ZNF83: variants seen among roughly 807,000 people sequenced by gnomAD.
ZNF83 encodes zinc finger protein 83.
For missense variants in ZNF83, 552 were observed against 629.9 expected (o/e 0.88, Z 1.32); for synonymous variants, 209 against 213.0 (o/e 0.98, Z 0.17).
chr19:52,652,867 A>G (rs1461543905), intron 3 of ZNF83: 2 of 1,009,682 alleles, frequency 2.0e-6, no homozygotes, highest in Non-Finnish European at 1.6e-6. Context: ...CATATGACTG[A>G]AGGTCTTGCC....
At chr19:52,628,966 A>G (rs1048386083) in intron 2 of ZNF83, among the ~76,000 whole-genome samples, 1 of 151,032 alleles carries the variant, frequency 6.6e-6, no homozygotes, top group Non-Finnish European at 1.5e-5. Context: ...GGAGGTAAGA[A>G]CCCCCAAACC....
At chr19:52,636,327 A>G (rs890100463) in intron 1 of ZNF83, 2 of 149,042 alleles carry the variant, frequency 1.3e-5, no homozygotes, top group Non-Finnish European at 1.5e-5. Flanking sequence ...TTAGTTAATT[A>G]ATTAAGTTAA....
rs758226231 is a variant in ZNF83, at chr19:52,613,399, A to G, written c.1166T>C (p.Val389Ala). Reference sequence around the variant, plus strand: ...TCCAGTATGGATTCTGTGATGTTGTACAAGATGTGAATTTTGACTGAATGC... The same window carrying G: ...TCCAGTATGGATTCTGTGATGTTGTGCAAGATGTGAATTTTGACTGAATGC... Residue 389 changes from valine to alanine, a missense_variant, in exon 3 of 3, where the codon GTA (valine) becomes GCA (alanine). Physicochemically the swap from Val to Ala is moderately conservative, Grantham distance 64. Coordinates refer to ENST00000301096, the Ensembl canonical transcript of ZNF83. 9 of 1,613,490 alleles carry G rather than the reference A, an allele frequency of 5.6e-6. No individual in the cohort carries two copies. In the South Asian group the frequency reaches 6.6e-5, roughly 12 times the overall value.
At chr19:52,612,928 C>T (rs1173820766) in exon 3 of ZNF83, 3 of 1,167,220 alleles carry the variant, frequency 2.6e-6, no homozygotes, top group African/African-American at 1.6e-5. Context: ...GGCTCTGCTA[C>T]ATTCATTATA....
chr19:52,653,179 C>T, intron 3 of ZNF83: 5 of 1,501,014 alleles, frequency 3.3e-6, no homozygotes, highest in South Asian at 2.2e-5. Flanking sequence ...TCTACGATGG[C>T]CCACAAGGGA....
chr19:52,628,921 A>C (rs543833961), intron 2 of ZNF83, among the ~76,000 whole-genome samples: 7 of 150,578 alleles, frequency 4.6e-5, no homozygotes, highest in Non-Finnish European at 7.4e-5. Context: ...CCCTGACCTC[A>C]TATCTCTGTG....
chr19:52,629,906 C>A (rs1307146852), intron 2 of ZNF83, among the ~76,000 whole-genome samples: 44 of 149,042 alleles, frequency 3.0e-4, no homozygotes, highest in South Asian at 8.6e-4. Context: ...TCAAGGTGTA[C>A]AATAATAGAA....
intron 3 of ZNF83, among the ~76,000 whole-genome samples, chr19:52,643,423 C>T (rs2061333612): frequency 6.6e-6 from 1 of 151,108 alleles, no homozygotes; most frequent in South Asian, 2.1e-4. Flanking sequence ...GAGCAACTGT[C>T]GGGCATGGTG....
intron 2 of ZNF83, among the ~76,000 whole-genome samples, chr19:52,625,070 C>A (rs565515837): frequency 6.6e-6 from 1 of 151,858 alleles, no homozygotes; most frequent in Admixed American, 6.6e-5. Flanking sequence ...ATCCTGATCA[C>A]ATTTGGTTTA....
chr19:52,625,796 T>C (rs1053076181), intron 2 of ZNF83, among the ~76,000 whole-genome samples: 1 of 152,114 alleles, frequency 6.6e-6, no homozygotes, highest in Non-Finnish European at 1.5e-5. Flanking sequence ...ACTCAATGCT[T>C]TCTCATACAC....
At chr19:52,647,444 T>C (rs2061386439) in intron 3 of ZNF83, among the ~76,000 whole-genome samples, 1 of 151,974 alleles carries the variant, frequency 6.6e-6, no homozygotes, top group Non-Finnish European at 1.5e-5. Context: ...TCATGCCCTG[T>C]TAATTTTTGT....
chr19:52,677,123 TTAAAAAA>T (rs1326275272), intron 1 of ZNF83, among the ~76,000 whole-genome samples: 1 of 34,244 alleles, frequency 2.9e-5, no homozygotes, highest in Non-Finnish European at 4.9e-5. Context: ...GAATGATCAA[TTAAAAAA>T]AAAAAGAAAA....
At chr19:52,616,414 C>T (rs2060305992) in intron 2 of ZNF83, among the ~76,000 whole-genome samples, 2 of 152,144 alleles carry the variant, frequency 1.3e-5, no homozygotes, top group Non-Finnish European at 2.9e-5. Flanking sequence ...ACTATAAAGG[C>T]ACATGCACAT....
chr19:52,655,776 G>C (rs2061496410), intron 2 of ZNF83: 1 of 636,548 alleles, frequency 1.6e-6, no homozygotes, highest in African/African-American at 1.8e-5. Flanking sequence ...GTATTGATTT[G>C]ATCCAAGACG....
At chr19:52,632,234 A>G (rs2060996559) in intron 2 of ZNF83, among the ~76,000 whole-genome samples, 3 of 152,170 alleles carry the variant, frequency 2.0e-5, no homozygotes, top group Admixed American at 2.0e-4. Flanking sequence ...GTATTCAGTG[A>G]ACCCTTATGG....
intron 1 of ZNF83, among the ~76,000 whole-genome samples, chr19:52,685,897 CAAAAAAAAA>C (rs3055370): frequency 1.4e-4 from 19 of 132,546 alleles, no homozygotes; most frequent in East Asian, 9.7e-4. Context: ...GTAACTGTCA[CAAAAAAAAA>C]AAAAAAAAAA....
upstream of ZNF83, among the ~76,000 whole-genome samples, chr19:52,639,876 G>A (rs1189071811): frequency 6.6e-6 from 1 of 152,148 alleles, no homozygotes; most frequent in Non-Finnish European, 1.5e-5. Flanking sequence ...AATGTGATGG[G>A]AAATTGAGGC....
At chr19:52,628,475 A>G (rs1292574079) in intron 2 of ZNF83, among the ~76,000 whole-genome samples, 1 of 152,114 alleles carries the variant, frequency 6.6e-6, no homozygotes, top group Non-Finnish European at 1.5e-5. Context: ...GGTAGAGACA[A>G]AGGAGACACG....
intron 1 of ZNF83, among the ~76,000 whole-genome samples, chr19:52,637,581 A>G (rs58962417): frequency 0.23 from 33,929 of 150,700 alleles, 4,211 homozygotes; most frequent in South Asian, 0.29. Context: ...CCCACCCTCT[A>G]CTTTGCCCTC....
Sources: allele counts gnomAD v4.1 joint callset (sites outside exome capture counted in the v4.1 genomes callset), GRCh38; gene constraint gnomAD v4.1.1; transcripts MANE v1.5; gene names NCBI Gene and HGNC (gene_info 2026-07-23, HGNC 2026-07-21).